ARHGAP39: variants seen among roughly 807,000 people sequenced by gnomAD.
The protein encoded by ARHGAP39 is Rho GTPase activating protein 39.
Under a neutral mutation model 106.9 loss-of-function variants are expected in ARHGAP39, and 44 were observed. The observed-to-expected ratio is 0.41, with a 90% CI of 0.32 to 0.53. ARHGAP39 has a LOEUF of 0.53. Ranked by LOEUF, ARHGAP39 falls within the 20% of genes least tolerant of loss-of-function variation. The pLI is 0.21. For missense variants in ARHGAP39, 1,496 were observed against 1,577.3 expected (o/e 0.95, Z 0.87); for synonymous variants, 768 against 693.2 (o/e 1.11, Z -1.69).
chr8:144,698,136 C>A, the ARHGAP39 span, among the ~76,000 whole-genome samples: 1 of 152,044 alleles, frequency 6.6e-6, no homozygotes, highest in African/African-American at 2.4e-5. Context: ...TGCGTGGTGC[C>A]CTCTTCATGG....
intron 7 of ARHGAP39, among the ~76,000 whole-genome samples, chr8:144,535,466 C>G (rs1816917215): frequency 6.6e-6 from 1 of 152,238 alleles, no homozygotes. Flanking sequence ...ATGAGGTACC[C>G]TTGTTTTTCT....
chr8:144,544,709 C>G (rs574739972), intron 6 of ARHGAP39, among the ~76,000 whole-genome samples: 2 of 152,226 alleles, frequency 1.3e-5, no homozygotes, highest in African/African-American at 4.8e-5. Flanking sequence ...ATGATGGCTC[C>G]GACGTGCGAC....
At chr8:144,617,585 CAA>C (rs869298361) in intron 1 of ARHGAP39, among the ~76,000 whole-genome samples, 63 of 68,518 alleles carry the variant, frequency 9.2e-4, no homozygotes, top group African/African-American at 2.8e-3. Context: ...ACTGAAAAGA[CAA>C]AAAAAAAAAA....
intron 3 of ARHGAP39, among the ~76,000 whole-genome samples, chr8:144,559,920 C>T (rs560922047): frequency 1.7e-3 from 264 of 152,320 alleles, no homozygotes; most frequent in African/African-American, 5.7e-3. Context: ...TGAGGTCAGA[C>T]GTGGAAGTTT....
At chr8:144,623,778 G>C (rs114119253) in intron 1 of ARHGAP39, among the ~76,000 whole-genome samples, 1 of 152,192 alleles carries the variant, frequency 6.6e-6, no homozygotes, top group Non-Finnish European at 1.5e-5. Flanking sequence ...GTCAGAGGCC[G>C]CAGCACCCAG....
At chr8:144,573,773 T>TA (rs35041019) in intron 3 of ARHGAP39, among the ~76,000 whole-genome samples, 1 of 151,934 alleles carries the variant, frequency 6.6e-6, no homozygotes, top group African/African-American at 2.4e-5. Context: ...CTCAAAAAAA[T>TA]AAAAAAATTA....
chr8:144,540,224 T>A (rs1817131703), intron 6 of ARHGAP39, among the ~76,000 whole-genome samples: 2 of 152,184 alleles, frequency 1.3e-5, no homozygotes, highest in African/African-American at 4.8e-5. Context: ...ATTGCAAAAC[T>A]TCATCTCTCC....
chr8:144,664,163 TC>T (rs1821903196), intron 1 of ARHGAP39, among the ~76,000 whole-genome samples: 1 of 150,820 alleles, frequency 6.6e-6, no homozygotes, highest in South Asian at 2.1e-4. Flanking sequence ...TGAGACTCTG[TC>T]CCCCCAAAAA....
At chr8:144,601,331 TGTGTGCTCGTGTACCTGTGTGC>T (rs1819923912) in intron 2 of ARHGAP39, among the ~76,000 whole-genome samples, 1 of 141,924 alleles carries the variant, frequency 7.0e-6, no homozygotes, top group Non-Finnish European at 1.5e-5. Context: ...TGGAGGCGTG[TGTGTGCTCGTGTACCTGTGTGC>T]GTGTGCGAGC....
rs982551002 is a variant in ARHGAP39, at chr8:144,547,413, C to T, written c.1673G>A (p.Arg558Gln). The T allele has an allele frequency of 1.3e-6, 2 of 1,590,614 alleles. No homozygotes were observed. The highest frequency in any genetic ancestry group is 1.1e-5 in the South Asian group (1 of 90,064). The change falls in exon 5 of 12, where the codon CGG becomes CAG. Residue 558 changes from arginine (R) to glutamine (Q), a missense_variant. Coordinates refer to ENST00000377307, the MANE Select transcript of ARHGAP39 (RefSeq NM_025251.3). The surrounding 1 kb of genome is among the most constrained non-coding windows in gnomAD (Gnocchi z 5.2). ...GAAEPFLAQA[R>Q]LAWEAQQAHF... The stretch of plus-strand genomic sequence containing the variant: ...GGCCTGCTGCGCCTCCCAGGCCAGC[C>T]GAGCCTGCGCCAGGAAGGGCTCGGC...
At chr8:144,593,885 T>G (rs1375830555) in intron 2 of ARHGAP39, among the ~76,000 whole-genome samples, 1 of 152,062 alleles carries the variant, frequency 6.6e-6, no homozygotes. Flanking sequence ...AGTCAGGAGT[T>G]CAAGACCAGT....
chr8:144,619,288 G>A (rs937984480), intron 1 of ARHGAP39, among the ~76,000 whole-genome samples: 1 of 152,260 alleles, frequency 6.6e-6, no homozygotes, highest in Admixed American at 6.5e-5. Flanking sequence ...CATAGACCAG[G>A]GTGCCAGAGG....
intron 3 of ARHGAP39, among the ~76,000 whole-genome samples, chr8:144,569,515 T>C (rs1198718560): frequency 6.6e-6 from 1 of 152,168 alleles, no homozygotes; most frequent in African/African-American, 2.4e-5. Context: ...GAGTGAAAGA[T>C]GACAGACAAA....
chr8:144,611,422 A>G (rs1439650312), intron 1 of ARHGAP39, among the ~76,000 whole-genome samples: 1 of 152,168 alleles, frequency 6.6e-6, no homozygotes, highest in Non-Finnish European at 1.5e-5. Context: ...TACTTGTTCT[A>G]TCCATCACTG....
intron 6 of ARHGAP39, among the ~76,000 whole-genome samples, chr8:144,544,322 A>G (rs1817313387): frequency 6.6e-6 from 1 of 151,724 alleles, no homozygotes; most frequent in Admixed American, 6.6e-5. Context: ...CTTGGGAGCC[A>G]CCTCCTCCAC....
chr8:144,567,718 T>C (rs141308922), intron 3 of ARHGAP39, among the ~76,000 whole-genome samples: 3,060 of 152,340 alleles, frequency 0.02, 33 homozygotes, highest in Middle Eastern at 0.048. Flanking sequence ...AAGTCTCTGA[T>C]ATGCAGAAAT....
At chr8:144,603,684 C>CGT (rs1563702530) in intron 2 of ARHGAP39, among the ~76,000 whole-genome samples, 1 of 132,230 alleles carries the variant, frequency 7.6e-6, no homozygotes, top group Non-Finnish European at 1.6e-5. Context: ...AGCGAGACTC[C>CGT]ATCAAAAAAA....
chr8:144,645,164 C>A lies in ARHGAP39; in HGVS notation c.-81-39469G>T, dbSNP rs141109623. Among the ~76,000 whole-genome samples, 1 of 152,268 alleles carries A rather than the reference C, an allele frequency of 6.6e-6. No homozygotes were observed. The highest frequency in any genetic ancestry group is 1.9e-4 in the East Asian group (1 of 5,202). On this transcript the variant is annotated intron_variant, in intron 1 of 11. Transcript: ENST00000377307. This position sits in a 1 kb window ranked among gnomAD's most constrained non-coding sequence, Gnocchi z 4.4. ...GCTCTGCACAGCTCCAAAACCCCAT[C>A]CCTCTCATACTCAGAGCTGCAGATG...
At position 144,644,113 on chromosome 8, in the gene ARHGAP39, C is replaced by T. The variant is rs541193175; in HGVS notation, c.-81-38418G>A. Among the ~76,000 whole-genome samples the T allele has an allele frequency of 3.2e-4, 49 of 152,254 alleles. No individual in the cohort carries two copies. The East Asian group carries it at 8.3e-3, about 26-fold the overall frequency. ...ACAAATGCACAGTGAGACCCGGACACGCACATTCCCGGCAGCACCATTCAC... is the reference window on the plus strand; with the variant it reads ...ACAAATGCACAGTGAGACCCGGACATGCACATTCCCGGCAGCACCATTCAC... On this transcript the variant is annotated intron_variant, in intron 1 of 11. Coordinates refer to ENST00000377307, the MANE Select transcript of ARHGAP39 (RefSeq NM_025251.3). This position sits in a 1 kb window ranked among gnomAD's most constrained non-coding sequence, Gnocchi z 4.8.
Sources: allele counts gnomAD v4.1 joint callset (sites outside exome capture counted in the v4.1 genomes callset), GRCh38; gene constraint gnomAD v4.1.1; non-coding constraint Gnocchi (gnomAD v3.1); transcripts MANE v1.5; gene names NCBI Gene and HGNC (gene_info 2026-07-23, HGNC 2026-07-21).